Variants in TRMO observed in about 807,000 individuals in gnomAD.
TRMO encodes the protein tRNA (adenine(37)-N6)-methyltransferase.
A neutral mutation model predicts 37.2 loss-of-function variants in TRMO; 30 were observed. The observed-to-expected ratio is 0.81, with a 90% CI of 0.60 to 1.09. TRMO has a LOEUF of 1.09. Among genes scored for constraint, TRMO ranks in the 50% least tolerant of loss-of-function variants. The pLI is 0.00. For synonymous variants in TRMO, 239 were observed against 199.4 expected, an observed-to-expected ratio of 1.20 and a Z score of -1.67; for missense variants, 552 against 549.5, an observed-to-expected ratio of 1.00 and a Z score of -0.05.
At chr9:97,912,730 T>G (rs992459183) in intron 3 of TRMO, 5 of 360,424 alleles carry the variant, frequency 1.4e-5, no homozygotes, top group African/African-American at 8.5e-5. Flanking sequence ...TGGAATGGTC[T>G]CTTGACTCCT....
the TRMO span, among the ~76,000 whole-genome samples, chr9:97,898,909 G>A: frequency 0.51 from 71,503 of 141,264 alleles, 19,433 homozygotes; most frequent in East Asian, 0.84. Flanking sequence ...GTGCCATCTC[G>A]GCTCACTGCA....
At chr9:97,909,091 A>T (rs1197230703) in intron 4 of TRMO, among the ~76,000 whole-genome samples, 1 of 152,122 alleles carries the variant, frequency 6.6e-6, no homozygotes, top group East Asian at 1.9e-4. Context: ...AGTAGCTGAA[A>T]TTACAGGCAC....
chr9:97,898,838 C>CTTTTTTTTTT, the TRMO span, among the ~76,000 whole-genome samples: 143 of 89,050 alleles, frequency 1.6e-3, 22 homozygotes, highest in Middle Eastern at 8.6e-3. Context: ...TATATATATA[C>CTTTTTTTTTT]TTTTTTTTTT....
intron 4 of TRMO, among the ~76,000 whole-genome samples, chr9:97,908,222 C>T (rs1463279412): frequency 6.6e-6 from 1 of 152,098 alleles, no homozygotes; most frequent in Non-Finnish European, 1.5e-5. Flanking sequence ...ACCATCCTGC[C>T]TAACACGGTG....
chr9:97,917,392 A>AT (rs1826419360), intron 1 of TRMO, among the ~76,000 whole-genome samples: 1 of 152,230 alleles, frequency 6.6e-6, no homozygotes, highest in Non-Finnish European at 1.5e-5. Flanking sequence ...CCCCTCTAGA[A>AT]TGTAAGCTCC....
At chr9:97,919,872 T>C (rs1166228512) in intron 1 of TRMO, among the ~76,000 whole-genome samples, 2 of 152,196 alleles carry the variant, frequency 1.3e-5, no homozygotes, top group Non-Finnish European at 2.9e-5. Flanking sequence ...ACTGGAAGTA[T>C]ACTCAAGAGC....
Position 97,916,231 on chromosome 9 carries a change from TC to T in TRMO, c.183del (p.Ile62LeufsTer13). 6.2e-7 allele frequency: 1 copy of T among 1,613,782 alleles called. No homozygotes were observed. Among genetic ancestry groups the T allele is most frequent in the Non-Finnish European group, 8.5e-7 (1 of 1,179,758 alleles). ...GGATTATTAAAGATCCTCTTTCTAA[TC>T]CTCAAACAGGCTCGAGAATAGCTAC... ...SICSYSRACL[R>X]IRKRIFNNPE... On this transcript the variant is annotated frameshift_variant, in exon 2 of 5. Transcript: ENST00000375119. LOFTEE classifies it high-confidence loss of function.
At position 97,904,598 on chromosome 9, in the gene TRMO, T is replaced by C. The variant is rs1825776008; in HGVS notation, c.*135A>G. The C allele has an allele frequency of 2.0e-6, 3 of 1,497,528 alleles. No homozygotes were observed. Among genetic ancestry groups the C allele is most frequent in the East Asian group, 4.6e-5 (2 of 43,776 alleles). 92.8% of individuals were successfully genotyped at this position (1,497,528 alleles called of 1,614,324 possible). ...ATGTATACGTTTTTCAAATAAACAT[T>C]TTGAACAGCCCAAATCAATCAAAGC... is the stretch of plus-strand genomic sequence containing the variant. On this transcript the variant is annotated 3_prime_UTR_variant, in exon 5 of 5. Coordinates refer to ENST00000375119, the MANE Select transcript of TRMO (RefSeq NM_016481.5).
chr9:97,918,386 CAAA>C (rs148191282), intron 1 of TRMO, among the ~76,000 whole-genome samples: 29,207 of 124,880 alleles, frequency 0.23, 3,267 homozygotes, highest in Non-Finnish European at 0.29. Context: ...GACTCCATCT[CAAA>C]AAAAAAAAAA....
chr9:97,904,458 A>T, downstream of TRMO: 1 of 1,218,430 alleles, frequency 8.2e-7, no homozygotes, highest in Non-Finnish European at 1.0e-6. Flanking sequence ...TGCACCAAGA[A>T]CAGCTTCTTT....
At chr9:97,906,964 G>A (rs1379916064) in intron 4 of TRMO, among the ~76,000 whole-genome samples, 2 of 152,166 alleles carry the variant, frequency 1.3e-5, no homozygotes, top group African/African-American at 4.8e-5. Context: ...TAGAAGGCAG[G>A]ACTGTTTTGT....
chr9:97,896,866 G>C, the TRMO span, among the ~76,000 whole-genome samples: 5 of 152,160 alleles, frequency 3.3e-5, no homozygotes, highest in Non-Finnish European at 5.9e-5. Context: ...TTGAGTTCTA[G>C]ACATTTTACT....
Position 97,922,278 on chromosome 9 carries a change from G to C in TRMO, c.76+140C>G. 4.7e-6 allele frequency: 3 copies of C among 641,930 alleles called. No individual in the cohort carries two copies. In the South Asian group the frequency reaches 5.6e-5, roughly 12 times the overall value. 39.8% of individuals were successfully genotyped at this position (641,930 alleles called of 1,614,324 possible). ...GCACATCACGTGGTCTCCGCAGCAC[G>C]TGACCCGTGCCTTCGCCGTAGGTAA... is the stretch of plus-strand genomic sequence containing the variant. On this transcript the variant is annotated intron_variant, in intron 1 of 4. Transcript: ENST00000375119.
At chr9:97,901,248 G>T (rs982635368), downstream of TRMO, among the ~76,000 whole-genome samples, 1 of 74,992 alleles carries the variant, frequency 1.3e-5, no homozygotes, top group Non-Finnish European at 2.3e-5. Flanking sequence ...GCCTAGTAGA[G>T]AATTGTTTCT....
intron 2 of TRMO, among the ~76,000 whole-genome samples, chr9:97,914,196 C>T (rs1826252425): frequency 6.6e-6 from 1 of 152,096 alleles, no homozygotes; most frequent in African/African-American, 2.4e-5. Flanking sequence ...CTACAAATTA[C>T]TAAGGACAAC....
intron 2 of TRMO, among the ~76,000 whole-genome samples, chr9:97,914,503 C>T (rs971272305): frequency 6.6e-6 from 1 of 152,020 alleles, no homozygotes; most frequent in Non-Finnish European, 1.5e-5. Context: ...TCTAAATATG[C>T]TTACCTTCTA....
intron 1 of TRMO, among the ~76,000 whole-genome samples, chr9:97,922,126 G>A (rs899511010): frequency 2.6e-5 from 4 of 152,066 alleles, no homozygotes; most frequent in Admixed American, 6.5e-5. Context: ...CTATGGCAAG[G>A]AAACCCCTAA....
At chr9:97,904,001 G>C (rs926359928), downstream of TRMO, among the ~76,000 whole-genome samples, 1 of 152,156 alleles carries the variant, frequency 6.6e-6, no homozygotes, top group East Asian at 1.9e-4. Context: ...AGAATTGCTC[G>C]AACCTGGGAG....
At chr9:97,913,604 C>G in intron 2 of TRMO, 46 bp from the exon 3 acceptor site, 1 of 1,320,066 alleles carries the variant, frequency 7.6e-7, no homozygotes, top group Non-Finnish European at 1.1e-6. Context: ...GAAAAGAGCA[C>G]AAGTTATTTT....
Sources: gnomAD v4.1 joint callset for allele counts (sites outside exome capture counted in the v4.1 genomes callset) on GRCh38, gnomAD v4.1.1 for gene constraint, MANE v1.5 for transcripts, NCBI Gene and HGNC (gene_info 2026-07-23, HGNC 2026-07-21) for gene names.